PPIB: variants seen among roughly 807,000 people sequenced by gnomAD.
The protein encoded by PPIB is peptidylprolyl isomerase B.
PPIB carries 15 observed loss-of-function variants against 20.1 expected under a neutral mutation model. The ratio of observed to expected loss-of-function variants is 0.75; its 90% CI spans 0.50 to 1.15. The LOEUF (loss-of-function observed/expected upper bound fraction) is 1.15, where lower values mean the gene tolerates loss of function less well. Among genes scored for constraint, PPIB ranks in the 50% most tolerant of loss-of-function variants. PPIB has a pLI of 0.00. For missense variants in PPIB, 278 were observed against 283.0 expected, an observed-to-expected ratio of 0.98 and a Z score of 0.13; for synonymous variants, 129 against 111.0, an observed-to-expected ratio of 1.16 and a Z score of -1.02.
chr15:64,160,313 C>G lies in PPIB; in HGVS notation c.250-116G>C. ...CCTGCTCGCAGAAGAGACACCACTG[C>G]TGACCACTTTCACTGTTCAGTGTGC... On this transcript the variant is annotated intron_variant, in intron 2 of 4. Coordinates refer to ENST00000300026, the MANE Select transcript of PPIB (RefSeq NM_000942.5). The surrounding 1 kb of genome is among the most constrained non-coding windows in gnomAD (Gnocchi z 4.8). 1 of 834,358 alleles carries G rather than the reference C, an allele frequency of 1.2e-6. No individual in the cohort carries two copies. Among genetic ancestry groups the G allele is most frequent in the Non-Finnish European group, 2.0e-6 (1 of 491,796 alleles). The allele number at this position is 834,358 out of a possible 1,614,324, so 51.7% of individuals were successfully genotyped here.
chr15:64,157,282 G>C lies in PPIB; in HGVS notation c.344-373C>G. The C allele has an allele frequency of 3.7e-6, 1 of 267,702 alleles. No individual in the cohort carries two copies. The highest frequency in any genetic ancestry group is 5.1e-5 in the South Asian group (1 of 19,648). 16.6% of individuals were successfully genotyped at this position (267,702 alleles called of 1,614,324 possible). ...GGATGCAGGGGAGTCAACAGGGTCG[G>C]AACTCTCCAGAAAAGGAGGACTGCT... On this transcript the variant is annotated intron_variant, in intron 3 of 4. Coordinates refer to ENST00000300026, the MANE Select transcript of PPIB (RefSeq NM_000942.5). This position sits in a 1 kb window ranked among gnomAD's most constrained non-coding sequence, Gnocchi z 4.2.
rs1366911892 is a variant in PPIB, at chr15:64,161,254, GC to G, written c.249+786del. Among the ~76,000 whole-genome samples, 1 of 151,794 alleles carries G rather than the reference GC, an allele frequency of 6.6e-6. No individual in the cohort carries two copies. The highest frequency in any genetic ancestry group is 2.4e-5 in the African/African-American group (1 of 41,324). On this transcript the variant is annotated intron_variant, in intron 2 of 4. Transcript: ENST00000300026. This position sits in a 1 kb window ranked among gnomAD's most constrained non-coding sequence, Gnocchi z 4.2. ...TGGGACTACAGGCATGAGTTACTGC[GC>G]CCGGCCTTTTATTTTTAATTAATTT...
rs1021504514 is a variant in PPIB at position 64,157,993 on chromosome 15, C to G, written c.344-1084G>C. On this transcript the variant is annotated intron_variant, in intron 3 of 4. Coordinates refer to ENST00000300026, the MANE Select transcript of PPIB (RefSeq NM_000942.5). This position sits in a 1 kb window ranked among gnomAD's most constrained non-coding sequence, Gnocchi z 4.2. The stretch of plus-strand genomic sequence containing the variant: ...TGGAGTGCTGGCTAAAAGCCTCCCC[C>G]ATTTGAGCCAACTGTGGGATTTTGA... Among the ~76,000 whole-genome samples, 2 of 152,166 alleles carry G rather than the reference C, an allele frequency of 1.3e-5. No individual in the cohort carries two copies. Among genetic ancestry groups the G allele is most frequent in the African/African-American group, 2.4e-5 (1 of 41,440 alleles).
rs1378589934 is a variant in PPIB, at chr15:64,157,834, C to T, written c.344-925G>A. Among the ~76,000 whole-genome samples, 1 of 152,184 alleles carries T rather than the reference C, an allele frequency of 6.6e-6. No homozygotes were observed. Among genetic ancestry groups the T allele is most frequent in the Non-Finnish European group, 1.5e-5 (1 of 68,024 alleles). Reference sequence around the variant, plus strand: ...AACCAGGAAGATGTTTCTGATTGGGCAGCAGGTAGGATGACTGAAAACCAA... The same window carrying T: ...AACCAGGAAGATGTTTCTGATTGGGTAGCAGGTAGGATGACTGAAAACCAA... On this transcript the variant is annotated intron_variant, in intron 3 of 4. Transcript: ENST00000300026. The surrounding 1 kb of genome is among the most constrained non-coding windows in gnomAD (Gnocchi z 4.2).
Position 64,160,167 on chromosome 15 carries a change from G to A in PPIB, c.280C>T (p.His94Tyr), listed in dbSNP as rs2081557610. Reference sequence around the variant, plus strand: ...ATCATGAAGTCCTTGATTACACGATGGAATTTGCTGTTTTTGTAGCCAAAT... The same window carrying A: ...ATCATGAAGTCCTTGATTACACGATAGAATTTGCTGTTTTTGTAGCCAAAT... ...KGFGYKNSKF[H>Y]RVIKDFMIQG... The change falls in exon 3 of 5, where the codon CAT becomes TAT. Residue 94 changes from histidine to tyrosine, a missense_variant. Coordinates refer to ENST00000300026, the MANE Select transcript of PPIB (RefSeq NM_000942.5). The surrounding 1 kb of genome is among the most constrained non-coding windows in gnomAD (Gnocchi z 4.8). The A allele has an allele frequency of 6.2e-7, 1 of 1,613,952 alleles. No individual in the cohort carries two copies. Among genetic ancestry groups the A allele is most frequent in the African/African-American group, 1.3e-5 (1 of 74,904 alleles).
chr15:64,159,674 TCA>T lies in PPIB; in HGVS notation c.343+428_343+429del, dbSNP rs774822279. 1.5e-5 allele frequency: 4 copies of T among 275,182 alleles called. No homozygotes were observed. The South Asian group carries it at 1.6e-4, about 11-fold the overall frequency. The allele number at this position is 275,182 out of a possible 1,614,324, so 17.0% of individuals were successfully genotyped here. The stretch of plus-strand genomic sequence containing the variant: ...ACCTTGGCCTTCCAAAGTGCTGGGA[TCA>T]CAGAGTCACCACGCCTGGCCCTCTC... On this transcript the variant is annotated intron_variant, in intron 3 of 4. Coordinates refer to ENST00000300026, the MANE Select transcript of PPIB (RefSeq NM_000942.5). The surrounding 1 kb of genome is among the most constrained non-coding windows in gnomAD (Gnocchi z 5.1).
chr15:64,159,803 C>T lies in PPIB; in HGVS notation c.343+301G>A, dbSNP rs2081555549. 2 of 504,468 alleles carry T rather than the reference C, an allele frequency of 4.0e-6. No homozygotes were observed. The highest frequency in any genetic ancestry group is 3.6e-6 in the Non-Finnish European group (1 of 276,672). 31.2% of individuals were successfully genotyped at this position (504,468 alleles called of 1,614,324 possible). On this transcript the variant is annotated intron_variant, in intron 3 of 4. Transcript: ENST00000300026. The surrounding 1 kb of genome is among the most constrained non-coding windows in gnomAD (Gnocchi z 5.1). ...ACTTTGCTTCCACACGCCTCTCTCC[C>T]CAATCCCCATTCTGAAGAGGTATCA...
rs1021524137 is a variant in PPIB at position 64,158,253 on chromosome 15, T to A, written c.344-1344A>T. Among the ~76,000 whole-genome samples the A allele has an allele frequency of 6.6e-6, 1 of 152,166 alleles. No individual in the cohort carries two copies. The highest frequency in any genetic ancestry group is 6.5e-5 in the Admixed American group (1 of 15,280). ...TTCTTTCCATTCCCACCACCACCGC[T>A]GCAGTAGGCGAGTGCTTAGGGTGCT... On this transcript the variant is annotated intron_variant, in intron 3 of 4. Coordinates refer to ENST00000300026, the MANE Select transcript of PPIB (RefSeq NM_000942.5). The surrounding 1 kb of genome is among the most constrained non-coding windows in gnomAD (Gnocchi z 4.7).
rs540906353 is a variant in PPIB, at chr15:64,157,927, TG to T, written c.344-1019del. ...TGTGCTCCACCTCTCACCCCCACGCTGGGGAGACTGGACTCTGCCACATGTG... is the reference window on the plus strand; with the variant it reads ...TGTGCTCCACCTCTCACCCCCACGCTGGGAGACTGGACTCTGCCACATGTG... On this transcript the variant is annotated intron_variant, in intron 3 of 4. Coordinates refer to ENST00000300026, the MANE Select transcript of PPIB (RefSeq NM_000942.5). This position sits in a 1 kb window ranked among gnomAD's most constrained non-coding sequence, Gnocchi z 4.2. Among the ~76,000 whole-genome samples, 5 of 152,212 alleles carry T rather than the reference TG, an allele frequency of 3.3e-5. No homozygotes were observed. The highest frequency in any genetic ancestry group is 2.6e-4 in the Admixed American group (4 of 15,298).
At position 64,162,955 on chromosome 15, in the gene PPIB, A is replaced by G. The variant is rs759602757; in HGVS notation, c.32T>C (p.Val11Ala). Residue 11 changes from valine (V) to alanine (A), a missense_variant, in exon 1 of 5, where the codon GTG (valine) becomes GCG (alanine). By Grantham distance (64) the Val-to-Ala change is moderately conservative. Coordinates refer to ENST00000300026, the MANE Select transcript of PPIB (RefSeq NM_000942.5). MLRLSERNMK[V>A]LLAAALIAGS... Reference sequence around the variant, plus strand: ...CGCGATGAGGGCGGCGGCAAGGAGCACCTTCATGTTGCGTTCGGAGAGGCG... The same window carrying G: ...CGCGATGAGGGCGGCGGCAAGGAGCGCCTTCATGTTGCGTTCGGAGAGGCG... The G allele has an allele frequency of 2.5e-6, 4 of 1,613,356 alleles. No homozygotes were observed. The highest frequency in any genetic ancestry group is 2.7e-5 in the African/African-American group (2 of 74,894).
Position 64,162,038 on chromosome 15 carries a change from T to C in PPIB, c.249+3A>G, listed in dbSNP as rs2081566112. 1 of 1,604,156 alleles carries C rather than the reference T, an allele frequency of 6.2e-7. No homozygotes were observed. The highest frequency in any genetic ancestry group is 1.3e-5 in the African/African-American group (1 of 74,656). On this transcript the variant is annotated splice_donor_region_variant and intron_variant, in intron 2 of 4. Transcript: ENST00000300026. ...GTTGACTACCCCTGCTCCAGCCACT[T>C]ACCTCTCCTGTAGCTAAGGCCACAA...
rs374781951 is a variant in PPIB, at chr15:64,159,663, A to C, written c.343+441T>G. ...GTGATCCAGCCACCTTGGCCTTCCA[A>C]AGTGCTGGGATCACAGAGTCACCAC... is the stretch of plus-strand genomic sequence containing the variant. On this transcript the variant is annotated intron_variant, in intron 3 of 4. Coordinates refer to ENST00000300026, the MANE Select transcript of PPIB (RefSeq NM_000942.5). The surrounding 1 kb of genome is among the most constrained non-coding windows in gnomAD (Gnocchi z 5.1). 7.1e-5 allele frequency: 17 copies of C among 240,800 alleles called. 1 individual carries two copies. In the East Asian group the frequency reaches 1.2e-3, roughly 16 times the overall value. 14.9% of individuals were successfully genotyped at this position (240,800 alleles called of 1,614,324 possible).
chr15:64,160,083 G>T lies in PPIB; in HGVS notation c.343+21C>A, dbSNP rs775573475. 1.3e-6 allele frequency: 2 copies of T among 1,584,570 alleles called. No individual in the cohort carries two copies. The highest frequency in any genetic ancestry group is 1.7e-6 in the Non-Finnish European group (2 of 1,153,134). ...GGAGGCTACACTGACATACTCCTTG[G>T]CCCAGAGGACCTGTGGTTACCTCCT... On this transcript the variant is annotated intron_variant, in intron 3 of 4. Transcript: ENST00000300026. This position sits in a 1 kb window ranked among gnomAD's most constrained non-coding sequence, Gnocchi z 4.8.
In PPIB at chr15:64,160,531, T is replaced by C. The variant is rs151166295; in HGVS notation, c.250-334A>G. On this transcript the variant is annotated intron_variant, in intron 2 of 4. Transcript: ENST00000300026. This position sits in a 1 kb window ranked among gnomAD's most constrained non-coding sequence, Gnocchi z 4.8. ...GTCACCTGCTGGCTCAATGGAAAGT[T>C]AATATAAACTGAAATAGGGCACTGT... Among the ~76,000 whole-genome samples the C allele has an allele frequency of 1.1e-4, 16 of 152,366 alleles. No homozygotes were observed. Among genetic ancestry groups the C allele is most frequent in the Non-Finnish European group, 2.2e-4 (15 of 68,024 alleles).
In PPIB at chr15:64,160,211, A is replaced by C. The variant is rs1371470514; in HGVS notation, c.250-14T>G. On this transcript the variant is annotated splice_polypyrimidine_tract_variant and intron_variant, in intron 2 of 4. Transcript: ENST00000300026. The surrounding 1 kb of genome is among the most constrained non-coding windows in gnomAD (Gnocchi z 4.8). ...GCCAAATCCTTTCTAGAAAAAGGGA[A>C]GAGAAGGTAAGGAGGTGGTATGGGG... 3.1e-6 allele frequency: 5 copies of C among 1,594,186 alleles called. No individual in the cohort carries two copies. The highest frequency in any genetic ancestry group is 4.3e-6 in the Non-Finnish European group (5 of 1,161,946).
rs565043543 is a variant in PPIB at position 64,162,384 on chromosome 15, A to T, written c.136-230T>A. ...CTATACCCTCCTTGGACTACAGGATAACAATATTTGCTCTAAACAGCTAAT... is the reference window on the plus strand; with the variant it reads ...CTATACCCTCCTTGGACTACAGGATTACAATATTTGCTCTAAACAGCTAAT... On this transcript the variant is annotated intron_variant, in intron 1 of 4. Coordinates refer to ENST00000300026, the MANE Select transcript of PPIB (RefSeq NM_000942.5). Among the ~76,000 whole-genome samples, 73 of 152,330 alleles carry T rather than the reference A, an allele frequency of 4.8e-4. 1 individual carries two copies. In the South Asian group the frequency reaches 0.014, roughly 30 times the overall value.
rs137853866 is a variant in PPIB at position 64,160,134 on chromosome 15, C to G, written c.313G>C (p.Gly105Arg). 6.2e-7 allele frequency: 1 copy of G among 1,614,070 alleles called. No individual in the cohort carries two copies. The highest frequency in any genetic ancestry group is 8.5e-7 in the Non-Finnish European group (1 of 1,179,914). The change falls in exon 3 of 5, where the codon GGA (glycine) becomes CGA (arginine). Residue 105 changes from glycine (G) to arginine (R), a missense_variant. Coordinates refer to ENST00000300026, the MANE Select transcript of PPIB (RefSeq NM_000942.5). The surrounding 1 kb of genome is among the most constrained non-coding windows in gnomAD (Gnocchi z 4.8). Reference protein sequence around the residue: ...RVIKDFMIQGGDFTRGDGTGG... With the variant: ...RVIKDFMIQGRDFTRGDGTGG... ...GTGCCATCTCCCCTGGTGAAGTCTC[C>G]GCCCTGGATCATGAAGTCCTTGATT... is the stretch of plus-strand genomic sequence containing the variant.
rs769032430 is a variant in PPIB, at chr15:64,162,169, C to T, written c.136-15G>A. 1.3e-6 allele frequency: 2 copies of T among 1,583,068 alleles called. No individual in the cohort carries two copies. The highest frequency in any genetic ancestry group is 1.3e-5 in the African/African-American group (1 of 74,352). On this transcript the variant is annotated splice_polypyrimidine_tract_variant and intron_variant, in intron 1 of 4. Transcript: ENST00000300026. The stretch of plus-strand genomic sequence containing the variant: ...TCAAAATACACCTGAGGAAAGAGAC[C>T]ATTTCCAACTTAGCTTCTTTAAAGG...
At position 64,161,323 on chromosome 15, in the gene PPIB, G is replaced by C. The variant is rs138678524; in HGVS notation, c.249+718C>G. 0.012 allele frequency among the ~76,000 whole-genome samples: 1,812 copies of C among 151,958 alleles called. 37 individuals are homozygous for C. The highest frequency in any genetic ancestry group is 0.042 in the African/African-American group (1,742 of 41,406). On this transcript the variant is annotated intron_variant, in intron 2 of 4. Coordinates refer to ENST00000300026, the MANE Select transcript of PPIB (RefSeq NM_000942.5). The surrounding 1 kb of genome is among the most constrained non-coding windows in gnomAD (Gnocchi z 4.2). ...GGGTCTCACTCTATTGCTCAGGCTG[G>C]AGTGCAGTGGCATGAACATGGCTCA...
Sources: allele counts gnomAD v4.1 joint callset (sites outside exome capture counted in the v4.1 genomes callset), GRCh38; gene constraint gnomAD v4.1.1; non-coding constraint Gnocchi (gnomAD v3.1); transcripts MANE v1.5; gene names NCBI Gene and HGNC (gene_info 2026-07-23, HGNC 2026-07-21).